GUCY2C: variants seen among roughly 807,000 people sequenced by gnomAD.
The protein encoded by GUCY2C is guanylate cyclase 2C.
A neutral mutation model predicts 131.1 loss-of-function variants in GUCY2C; 118 were observed. The observed-to-expected ratio is 0.90, with a 90% confidence interval of 0.78 to 1.05. The LOEUF is 1.05. Ranked by LOEUF, GUCY2C falls within the 50% of genes least tolerant of loss-of-function variation. GUCY2C has a pLI of 0.00. For missense variants in GUCY2C, 1,161 were observed against 1,304.4 expected (o/e 0.89, Z 1.69); for synonymous variants, 452 against 457.8 (o/e 0.99, Z 0.16).
intron 25 of GUCY2C, among the ~76,000 whole-genome samples, chr12:14,615,910 A>G (rs1258523625): frequency 6.6e-6 from 1 of 152,168 alleles, no homozygotes; most frequent in Non-Finnish European, 1.5e-5. Context: ...TGGCTTTGCC[A>G]GTTGTGAAAA....
chr12:14,652,991 A>G lies in GUCY2C; in HGVS notation c.1494T>C (p.Asp498=), dbSNP rs1406621938. 3.1e-6 allele frequency: 5 copies of G among 1,612,304 alleles called. No homozygotes were observed. The highest frequency in any genetic ancestry group is 4.2e-6 in the Non-Finnish European group (5 of 1,178,352). Residue 498 remains aspartate (D), a synonymous_variant, in exon 13 of 27, where the codon GAT becomes GAC. Coordinates refer to ENST00000261170, the MANE Select transcript of GUCY2C (RefSeq NM_004963.4). ...SLKIDDDKRR[D]TIQRLRQCKY... is the part of the protein sequence containing the mutation. ...TGCACTGTCGTAGTCTCTGGATTGT[A>G]TCTCGTCTTTTGTCATCATCGATCT... is the stretch of plus-strand genomic sequence containing the variant.
intron 7 of GUCY2C, among the ~76,000 whole-genome samples, chr12:14,675,207 C>CAAAAAAAAAAAAAA (rs35870014): frequency 4.6e-4 from 16 of 34,744 alleles, no homozygotes; most frequent in East Asian, 2.7e-3. Context: ...AACTCCATCT[C>CAAAAAAAAAAAAAA]AAAAAAAAAA....
Position 14,683,143 on chromosome 12 carries a change from G to A in GUCY2C, c.510C>T (p.Phe170=), listed in dbSNP as rs56003832. 24,801 of 1,613,082 alleles carry A rather than the reference G, an allele frequency of 0.015. 232 individuals are homozygous for A. Among genetic ancestry groups the A allele is most frequent in the Non-Finnish European group, 0.017 (20,500 of 1,179,110 alleles). Reference sequence around the variant, plus strand: ...CGTTGGTTTTCCAAAAGTTAACCAAGAAGTACATCAACTTTCTAGCTGGAG... The same window carrying A: ...CGTTGGTTTTCCAAAAGTTAACCAAAAAGTACATCAACTTTCTAGCTGGAG... ...LMSPARKLMY[F]LVNFWKTNDL... is the part of the protein sequence containing the mutation. Residue 170 remains phenylalanine, a synonymous_variant, in exon 4 of 27, where the codon TTC becomes TTT. Transcript: ENST00000261170.
At position 14,669,791 on chromosome 12, in the gene GUCY2C, A is replaced by C; in HGVS notation, c.1213T>G (p.Tyr405Asp). 3 of 1,604,992 alleles carry C rather than the reference A, an allele frequency of 1.9e-6. No individual in the cohort carries two copies. In the South Asian group the frequency reaches 3.3e-5, roughly 18 times the overall value. Residue 405 changes from tyrosine (Y) to aspartate (D), a missense_variant, in exon 10 of 27, where the codon TAT (tyrosine) becomes GAT (aspartate). By Grantham distance (160) the Tyr-to-Asp change is radical. Transcript: ENST00000261170. ...AATGTGGGGCTCATATCCACAGGAT[A>C]GGTCTTATTTACGTGGGTATCATAG... Reference protein sequence around the residue: ...LTYDTHVNKTYPVDMSPTFTW... With the variant: ...LTYDTHVNKTDPVDMSPTFTW...
chr12:14,677,223 T>C (rs548278769), intron 6 of GUCY2C, among the ~76,000 whole-genome samples: 2 of 152,328 alleles, frequency 1.3e-5, no homozygotes, highest in African/African-American at 4.8e-5. Context: ...TATTTCTTGA[T>C]TTCTTTGAGA....
At chr12:14,627,930 C>G (rs981700581) in intron 20 of GUCY2C, among the ~76,000 whole-genome samples, 4 of 152,074 alleles carry the variant, frequency 2.6e-5, no homozygotes, top group African/African-American at 9.7e-5. Context: ...GTCTTTTGAC[C>G]TAATGAGAAC....
intron 15 of GUCY2C, among the ~76,000 whole-genome samples, chr12:14,648,096 G>T (rs894021933): frequency 2.6e-5 from 4 of 151,886 alleles, no homozygotes; most frequent in African/African-American, 9.7e-5. Flanking sequence ...AAGTAGCTGG[G>T]ATTACAGGTG....
intron 14 of GUCY2C, 104 bp from the exon 15 acceptor site, chr12:14,651,615 A>T (rs1356633005): frequency 6.0e-6 from 4 of 671,112 alleles, no homozygotes; most frequent in South Asian, 1.7e-5. Context: ...CTTTGAGAAG[A>T]TGTGTTGTCT....
In GUCY2C at chr12:14,669,847, CA is replaced by C. The variant is rs1565628402; in HGVS notation, c.1171-15del. 2.7e-6 allele frequency: 3 copies of C among 1,127,034 alleles called. No homozygotes were observed. The highest frequency in any genetic ancestry group is 2.5e-5 in the East Asian group (1 of 40,094). The allele number at this position is 1,127,034 out of a possible 1,614,324, so 69.8% of individuals were successfully genotyped here. A position where few individuals can be genotyped will look rare whatever the true frequency, so the allele number is the denominator to read the frequency against. Reference sequence around the variant, plus strand: ...AAGAACCTTGTACTGTGTCAGGGCACAAAAAAGAAAAAGGATGAACAGTAAA... The same window carrying C: ...AAGAACCTTGTACTGTGTCAGGGCACAAAAAGAAAAAGGATGAACAGTAAA... On this transcript the variant is annotated splice_polypyrimidine_tract_variant and intron_variant, in intron 9 of 26. Coordinates refer to ENST00000261170, the MANE Select transcript of GUCY2C (RefSeq NM_004963.4).
At chr12:14,625,614 T>G in intron 21 of GUCY2C, 143 bp downstream of exon 21, 7 of 779,448 alleles carry the variant, frequency 9.0e-6, no homozygotes, top group Admixed American at 2.4e-5. Flanking sequence ...ATTACAGGCG[T>G]GAGCCTCCGT....
At chr12:14,691,017 A>G (rs1212341563) in intron 1 of GUCY2C, among the ~76,000 whole-genome samples, 2 of 152,374 alleles carry the variant, frequency 1.3e-5, no homozygotes, top group East Asian at 1.9e-4. Flanking sequence ...ATAATTTTTA[A>G]TAGCACCTTT....
chr12:14,640,462 CAAAA>C (rs3083859), intron 18 of GUCY2C, among the ~76,000 whole-genome samples: 30 of 114,548 alleles, frequency 2.6e-4, no homozygotes, highest in Non-Finnish European at 3.9e-4. Flanking sequence ...GACACTGTCT[CAAAA>C]AAAAAAAAAA....
At chr12:14,676,774 A>T in intron 7 of GUCY2C, 80 bp downstream of exon 7, 1 of 394,658 alleles carries the variant, frequency 2.5e-6, no homozygotes, top group Non-Finnish European at 4.2e-6. Context: ...TTTGGGTCCT[A>T]AATGGAGAAA....
chr12:14,661,435 A>C (rs2137054268), intron 10 of GUCY2C, among the ~76,000 whole-genome samples: 1 of 152,038 alleles, frequency 6.6e-6, no homozygotes, highest in East Asian at 1.9e-4. Context: ...AGAGGATGAG[A>C]CATGTATTTT....
At chr12:14,625,611 G>C (rs1197049467) in intron 21 of GUCY2C, 146 bp downstream of exon 21, 1 of 746,652 alleles carries the variant, frequency 1.3e-6, no homozygotes, top group Admixed American at 2.4e-5. Context: ...AGGATTACAG[G>C]CGTGAGCCTC....
At position 14,621,661 on chromosome 12, in the gene GUCY2C, A is replaced by G. The variant is rs537010252; in HGVS notation, c.2601+344T>C. 3.9e-5 allele frequency among the ~76,000 whole-genome samples: 6 copies of G among 152,340 alleles called. No homozygotes were observed. The South Asian group carries it at 1.0e-3, about 26-fold the overall frequency. Reference sequence around the variant, plus strand: ...TGTAGTATGATTTTCTATTTATTATAACCCCAGTGTCTTCTCTGCTTCATT... The same window carrying G: ...TGTAGTATGATTTTCTATTTATTATGACCCCAGTGTCTTCTCTGCTTCATT... On this transcript the variant is annotated intron_variant, in intron 22 of 26. Transcript: ENST00000261170.
rs1946675013 is a variant in GUCY2C, at chr12:14,612,784, C to T, written c.*333G>A. ...TGAATACAGAAGGAAAGCCAGTAAACAAAAACGATAAAAATAAACAAACAA... is the reference window on the plus strand; with the variant it reads ...TGAATACAGAAGGAAAGCCAGTAAATAAAAACGATAAAAATAAACAAACAA... On this transcript the variant is annotated 3_prime_UTR_variant, in exon 27 of 27. Coordinates refer to ENST00000261170, the MANE Select transcript of GUCY2C (RefSeq NM_004963.4). 5.1e-6 allele frequency: 1 copy of T among 197,064 alleles called. No individual in the cohort carries two copies. Among genetic ancestry groups the T allele is most frequent in the African/African-American group, 2.3e-5 (1 of 43,186 alleles). The allele number at this position is 197,064 out of a possible 1,614,324, so 12.2% of individuals were successfully genotyped here.
intron 10 of GUCY2C, among the ~76,000 whole-genome samples, chr12:14,666,517 G>C (rs1432616825): frequency 6.6e-6 from 1 of 152,140 alleles, no homozygotes; most frequent in East Asian, 1.9e-4. Flanking sequence ...GGCGGATCAC[G>C]TGAGGTCAGG....
At chr12:14,623,769 C>T (rs969406366) in intron 21 of GUCY2C, among the ~76,000 whole-genome samples, 1 of 152,008 alleles carries the variant, frequency 6.6e-6, no homozygotes, top group Admixed American at 6.5e-5. Flanking sequence ...GTTGTTTGAA[C>T]GTGTGTGGCA....
Sources: allele counts gnomAD v4.1 joint callset (sites outside exome capture counted in the v4.1 genomes callset), GRCh38; gene constraint gnomAD v4.1.1; transcripts MANE v1.5; gene names NCBI Gene and HGNC (gene_info 2026-07-23, HGNC 2026-07-21).